Variants in ANOS1 observed in about 807,000 individuals in gnomAD.
ANOS1 encodes anosmin 1.
In ANOS1, 6 loss-of-function variants were observed where a neutral mutation model predicts 59.0. The ratio of observed to expected loss-of-function variants is 0.10; its 90% CI spans 0.06 to 0.20. ANOS1 has a LOEUF of 0.20. Ranked by LOEUF, ANOS1 falls within the 10% of genes least tolerant of loss-of-function variation. The pLI, the probability that ANOS1 is intolerant of heterozygous loss-of-function variation, is 1.00. For synonymous variants in ANOS1, 217 were observed against 223.4 expected, an observed-to-expected ratio of 0.97 and a Z score of 0.25; for missense variants, 433 against 542.3, an observed-to-expected ratio of 0.80 and a Z score of 2.00.
In ANOS1 at chrX:8,725,687, T is replaced by C. The variant is rs1236385; in HGVS notation, c.207+6143A>G. Among the ~76,000 whole-genome samples, 6 of 32,838 alleles carry C rather than the reference T, an allele frequency of 1.8e-4. 1 individual carries two copies. Among genetic ancestry groups the C allele is most frequent in the African/African-American group, 1.2e-3 (6 of 5,151 alleles). The allele number at this position is 32,838 out of a possible 115,157, so 28.5% of individuals were successfully genotyped here. ...ATACAGATATATATATACAGATATA[T>C]ATATATACAGATATATATATACAGA... On this transcript the variant is annotated intron_variant, in intron 1 of 13. Transcript: ENST00000262648.
At position 8,732,048 on chromosome X, in the gene ANOS1, G is replaced by A. The variant is rs1433004777; in HGVS notation, c.-12C>T. Reference sequence around the variant, plus strand: ...ACCCCGGGCACCATGGCTGCGGGTCGAGGGCGAGGGCGAGGGCGCCGGGCG... The same window carrying A: ...ACCCCGGGCACCATGGCTGCGGGTCAAGGGCGAGGGCGAGGGCGCCGGGCG... On this transcript the variant is annotated 5_prime_UTR_variant, in exon 1 of 14. Coordinates refer to ENST00000262648, the MANE Select transcript of ANOS1 (RefSeq NM_000216.4). 7 of 923,718 alleles carry A rather than the reference G, an allele frequency of 7.6e-6. No homozygotes were observed. In the South Asian group the frequency reaches 3.4e-4, roughly 45 times the overall value. 76.1% of individuals were successfully genotyped at this position (923,718 alleles called of 1,213,427 possible). A position where few individuals can be genotyped will look rare whatever the true frequency, so the allele number is the denominator to read the frequency against.
In ANOS1 at chrX:8,732,068, C is replaced by A; in HGVS notation, c.-32G>T. On this transcript the variant is annotated 5_prime_UTR_variant, in exon 1 of 14. Coordinates refer to ENST00000262648, the MANE Select transcript of ANOS1 (RefSeq NM_000216.4). Reference sequence around the variant, plus strand: ...GGGTCGAGGGCGAGGGCGAGGGCGCCGGGCGCGGGCCGAGGCTCCCTGCTC... The same window carrying A: ...GGGTCGAGGGCGAGGGCGAGGGCGCAGGGCGCGGGCCGAGGCTCCCTGCTC... 2 of 903,427 alleles carry A rather than the reference C, an allele frequency of 2.2e-6. No individual in the cohort carries two copies. The highest frequency in any genetic ancestry group is 1.2e-4 in the Admixed American group (2 of 16,220). 74.5% of individuals were successfully genotyped at this position (903,427 alleles called of 1,213,427 possible).
chrX:8,718,053 C>A (rs1388287099), intron 1 of ANOS1, among the ~76,000 whole-genome samples: 1 of 109,357 alleles, frequency 9.1e-6, no homozygotes, highest in African/African-American at 3.3e-5. Context: ...CAGAGTGAGA[C>A]CCTGTCTCAA....
At position 8,529,890 on chromosome X, in the gene ANOS1, A is replaced by G. The variant is rs1929469239; in HGVS notation, c.*3105T>C. 1 of 111,497 alleles carries G rather than the reference A, an allele frequency of 9.0e-6. No homozygotes were observed. Among genetic ancestry groups the G allele is most frequent in the East Asian group, 2.8e-4 (1 of 3,536 alleles). The allele number at this position is 111,497 out of a possible 1,213,427, so 9.2% of individuals were successfully genotyped here. A position where few individuals can be genotyped will look rare whatever the true frequency, so the allele number is the denominator to read the frequency against. Reference sequence around the variant, plus strand: ...CTAAAAACCTACAGTGCACAAGACAAACCCCCACAACAGAGAACTATCCAG... The same window carrying G: ...CTAAAAACCTACAGTGCACAAGACAGACCCCCACAACAGAGAACTATCCAG... On this transcript the variant is annotated 3_prime_UTR_variant, in exon 14 of 14. Coordinates refer to ENST00000262648, the MANE Select transcript of ANOS1 (RefSeq NM_000216.4).
chrX:8,670,792 C>T (rs762199867), intron 2 of ANOS1, among the ~76,000 whole-genome samples: 2 of 111,568 alleles, frequency 1.8e-5, no homozygotes, highest in Non-Finnish European at 3.8e-5. Context: ...TTTAACAGGG[C>T]TTCCCTTTTT....
rs1932988558 is a variant in ANOS1 at position 8,732,099 on chromosome X, CG to C, written c.-64del. On this transcript the variant is annotated 5_prime_UTR_variant, in exon 1 of 14. Coordinates refer to ENST00000262648, the MANE Select transcript of ANOS1 (RefSeq NM_000216.4). ...CGGGCCGAGGCTCCCTGCTCCGCGCCGGGGCTGCACTGCTGAGGACCAGGCA... is the reference window on the plus strand; with the variant it reads ...CGGGCCGAGGCTCCCTGCTCCGCGCCGGGCTGCACTGCTGAGGACCAGGCA... The C allele has an allele frequency of 7.4e-6, 6 of 812,489 alleles. No homozygotes were observed. Among genetic ancestry groups the C allele is most frequent in the Non-Finnish European group, 9.2e-6 (6 of 652,503 alleles). The allele number at this position is 812,489 out of a possible 1,213,427, so 67.0% of individuals were successfully genotyped here.
intron 3 of ANOS1, among the ~76,000 whole-genome samples, chrX:8,620,939 T>G (rs770306395): frequency 8.9e-6 from 1 of 112,128 alleles, no homozygotes; most frequent in African/African-American, 3.2e-5. Context: ...GAATTTGAAA[T>G]TTACAGGAAG....
At chrX:8,692,307 T>C (rs1434532478) in intron 2 of ANOS1, among the ~76,000 whole-genome samples, 1 of 112,101 alleles carries the variant, frequency 8.9e-6, no homozygotes, top group Non-Finnish European at 1.9e-5. Flanking sequence ...GCTTTTGTGC[T>C]GCAACAACAG....
intron 2 of ANOS1, among the ~76,000 whole-genome samples, chrX:8,670,863 T>C (rs1932243394): frequency 9.0e-6 from 1 of 111,305 alleles, no homozygotes; most frequent in African/African-American, 3.3e-5. Context: ...AACTGGCCTT[T>C]CTCCCCACTT....
intron 9 of ANOS1, among the ~76,000 whole-genome samples, chrX:8,549,007 T>G (rs1383900292): frequency 8.9e-6 from 1 of 112,204 alleles, no homozygotes; most frequent in Non-Finnish European, 1.9e-5. Context: ...TTCTCCTTTG[T>G]GGCCCAGGGT....
rs1220833706 is a variant in ANOS1 at position 8,594,208 on chromosome X, A to C, written c.541+2826T>G. On this transcript the variant is annotated intron_variant, in intron 4 of 13. Transcript: ENST00000262648. ...CTCTTATTAAAGAAAAAAACTACACAGACCTAGCAGAGACAGAGAGAGGGA... is the reference window on the plus strand; with the variant it reads ...CTCTTATTAAAGAAAAAAACTACACCGACCTAGCAGAGACAGAGAGAGGGA... 8.1e-5 allele frequency among the ~76,000 whole-genome samples: 9 copies of C among 111,022 alleles called. No homozygotes were observed. In the East Asian group the frequency reaches 2.3e-3, roughly 28 times the overall value.
rs757360182 is a variant in ANOS1 at position 8,690,766 on chromosome X, C to T, written c.255+8932G>A. Among the ~76,000 whole-genome samples, 6 of 112,101 alleles carry T rather than the reference C, an allele frequency of 5.4e-5. No homozygotes were observed. In the South Asian group the frequency reaches 1.9e-3, roughly 35 times the overall value. On this transcript the variant is annotated intron_variant, in intron 2 of 13. Coordinates refer to ENST00000262648, the MANE Select transcript of ANOS1 (RefSeq NM_000216.4). ...AAAACCAATCTTCCTCACCTCTAAACGTGGTTCTGAATAAAGCTGGAAAAT... is the reference window on the plus strand; with the variant it reads ...AAAACCAATCTTCCTCACCTCTAAATGTGGTTCTGAATAAAGCTGGAAAAT...
intron 2 of ANOS1, among the ~76,000 whole-genome samples, chrX:8,696,826 A>G (rs1053819694): frequency 8.9e-6 from 1 of 112,403 alleles, no homozygotes; most frequent in Non-Finnish European, 1.9e-5. Context: ...ATTTCCAGCC[A>G]TTGGCAATTG....
chrX:8,707,376 T>C (rs1932785422), intron 1 of ANOS1, among the ~76,000 whole-genome samples: 1 of 112,091 alleles, frequency 8.9e-6, no homozygotes, highest in Admixed American at 9.5e-5. Context: ...TCATCTTCTC[T>C]GGATGGAGCT....
intron 1 of ANOS1, among the ~76,000 whole-genome samples, chrX:8,706,529 C>T (rs757101389): frequency 3.4e-4 from 38 of 111,965 alleles, no homozygotes; most frequent in African/African-American, 1.2e-3. Context: ...AAAAGTGAAG[C>T]GTATGTAAAC....
intron 7 of ANOS1, among the ~76,000 whole-genome samples, chrX:8,569,048 T>C (rs1216850089): frequency 1.8e-5 from 2 of 111,697 alleles, no homozygotes; most frequent in South Asian, 3.8e-4. Flanking sequence ...TTGGCACTAA[T>C]TGCAATTCTT....
At chrX:8,589,046 A>AT (rs1293151134) in intron 4 of ANOS1, among the ~76,000 whole-genome samples, 1 of 112,697 alleles carries the variant, frequency 8.9e-6, no homozygotes, top group African/African-American at 3.2e-5. Context: ...GAAAATGTGC[A>AT]AACACCAAAT....
At chrX:8,534,030 A>G (rs1195187668) in intron 13 of ANOS1, among the ~76,000 whole-genome samples, 1 of 107,687 alleles carries the variant, frequency 9.3e-6, no homozygotes, top group Non-Finnish European at 1.9e-5. Flanking sequence ...GGGAGAGAGG[A>G]TGGAGAAAGG....
intron 1 of ANOS1, among the ~76,000 whole-genome samples, chrX:8,707,170 C>A (rs1422830714): frequency 8.9e-6 from 1 of 112,122 alleles, no homozygotes; most frequent in African/African-American, 3.2e-5. Context: ...TAGTGTCTAT[C>A]CCTAGCACAT....
Sources: gnomAD v4.1 joint callset for allele counts (sites outside exome capture counted in the v4.1 genomes callset) on GRCh38, gnomAD v4.1.1 for gene constraint, MANE v1.5 for transcripts, NCBI Gene and HGNC (gene_info 2026-07-23, HGNC 2026-07-21) for gene names.